The following F5 variants were observed in gnomAD, a reference collection of about 807,000 sequenced individuals.
F5 encodes coagulation factor V, also known as activated protein c cofactor.
In F5, 138 loss-of-function variants were observed where a neutral mutation model predicts 216.4. That is an observed-to-expected ratio of 0.64 (90% CI 0.56 to 0.73). The LOEUF (loss-of-function observed/expected upper bound fraction) is 0.73, where lower values mean the gene tolerates loss of function less well. Ranked by LOEUF, F5 falls within the 30% of genes least tolerant of loss-of-function variation. The pLI is 0.00. For synonymous variants in F5, 916 were observed against 930.7 expected, an observed-to-expected ratio of 0.98 and a Z score of 0.29; for missense variants, 2,403 against 2,674.0, an observed-to-expected ratio of 0.90 and a Z score of 2.24.
At chr1:169,548,829 A>G (rs1660079372) in intron 10 of F5, among the ~76,000 whole-genome samples, 1 of 151,336 alleles carries the variant, frequency 6.6e-6, no homozygotes, top group African/African-American at 2.4e-5. Flanking sequence ...AAATGGTGCC[A>G]CTGCTCTCCA....
chr1:169,582,773 C>T (rs1465443658), intron 1 of F5, among the ~76,000 whole-genome samples: 4 of 152,186 alleles, frequency 2.6e-5, no homozygotes, highest in African/African-American at 9.7e-5. Context: ...TATCATTCCT[C>T]AGAATCAATT....
rs541673477 is a variant in F5, at chr1:169,550,737, G to A, written c.1299C>T (p.Ile433=). The A allele has an allele frequency of 5.0e-6, 8 of 1,606,610 alleles. No individual in the cohort carries two copies. Among genetic ancestry groups the A allele is most frequent in the African/African-American group, 1.3e-5 (1 of 74,890 alleles). ...IRAQVRDTLK[I]VFKNMASRPY... ...GGCGGCTGGCCATATTTTTGAACAC[G>A]ATCTACAAAGTTAAATCAAATTTAT... Residue 433 remains isoleucine (I), a splice_region_variant and synonymous_variant, in exon 9 of 25, where the codon ATC becomes ATT. Coordinates refer to ENST00000367797, the MANE Select transcript of F5 (RefSeq NM_000130.5).
At chr1:169,574,875 C>A (rs753788941) in intron 2 of F5, among the ~76,000 whole-genome samples, 1 of 152,118 alleles carries the variant, frequency 6.6e-6, no homozygotes, top group African/African-American at 2.4e-5. Context: ...ATATCAAGTG[C>A]CTATATTATC....
chr1:169,514,256 T>C lies in F5; in HGVS notation c.*57A>G, dbSNP rs1197783082. 10 of 1,540,122 alleles carry C rather than the reference T, an allele frequency of 6.5e-6. No individual in the cohort carries two copies. Among genetic ancestry groups the C allele is most frequent in the Non-Finnish European group, 8.1e-6 (9 of 1,113,414 alleles). Reference sequence around the variant, plus strand: ...AACACAGCGTAAAATACATTGCCCATTCTAAATGGTTTGAGGTCTTAAAGA... The same window carrying C: ...AACACAGCGTAAAATACATTGCCCACTCTAAATGGTTTGAGGTCTTAAAGA... On this transcript the variant is annotated 3_prime_UTR_variant, in exon 25 of 25. Transcript: ENST00000367797.
At chr1:169,565,305 A>G (rs1273287714) in intron 3 of F5, among the ~76,000 whole-genome samples, 1 of 152,066 alleles carries the variant, frequency 6.6e-6, no homozygotes. Context: ...CTACTAGATC[A>G]TAAGTATTTG....
intron 2 of F5, among the ~76,000 whole-genome samples, chr1:169,573,192 C>T (rs1455097721): frequency 1.3e-5 from 2 of 152,164 alleles, no homozygotes; most frequent in Admixed American, 6.5e-5. Context: ...AGGTGATACA[C>T]CCGCCTCAGC....
intron 2 of F5, among the ~76,000 whole-genome samples, chr1:169,579,226 G>A (rs1487098077): frequency 6.6e-6 from 1 of 152,042 alleles, no homozygotes; most frequent in Non-Finnish European, 1.5e-5. Context: ...TATATTAATA[G>A]CATTTGACCC....
chr1:169,571,236 G>A (rs936187612), intron 3 of F5, among the ~76,000 whole-genome samples: 1 of 151,988 alleles, frequency 6.6e-6, no homozygotes, highest in Non-Finnish European at 1.5e-5. Context: ...ACTATTCAGC[G>A]GCTGATACAA....
intron 17 of F5, among the ~76,000 whole-genome samples, 171 bp from the exon 18 acceptor site, chr1:169,526,188 C>A (rs538743740): frequency 6.6e-6 from 1 of 152,168 alleles, no homozygotes; most frequent in South Asian, 2.1e-4. Flanking sequence ...AAAACAATAA[C>A]AACACATACA....
chr1:169,561,161 G>A (rs920453831), intron 3 of F5, among the ~76,000 whole-genome samples: 2 of 152,102 alleles, frequency 1.3e-5, no homozygotes, highest in Non-Finnish European at 2.9e-5. Context: ...CATGAGATGG[G>A]AGGATAGTCA....
chr1:169,579,390 T>C (rs943684800), intron 2 of F5, among the ~76,000 whole-genome samples: 1 of 152,142 alleles, frequency 6.6e-6, no homozygotes, highest in Non-Finnish European at 1.5e-5. Flanking sequence ...CATCACATCC[T>C]CCCTGGGTGA....
chr1:169,528,871 A>C (rs1235885273), intron 16 of F5, among the ~76,000 whole-genome samples: 1 of 152,210 alleles, frequency 6.6e-6, no homozygotes, highest in African/African-American at 2.4e-5. Flanking sequence ...GTGAAATTTC[A>C]GAAACCAGGC....
Position 169,529,795 on chromosome 1 carries a change from C to G in F5, c.5232G>C (p.Leu1744Phe). 1 of 1,613,502 alleles carries G rather than the reference C, an allele frequency of 6.2e-7. No homozygotes were observed. The highest frequency in any genetic ancestry group is 8.5e-7 in the Non-Finnish European group (1 of 1,179,640). Reference sequence around the variant, plus strand: ...TTTGGCAGATTAGGAGGGGACCTATCAAGCCTGAGTGAATATCTTTTTCCT... The same window carrying G: ...TTTGGCAGATTAGGAGGGGACCTATGAAGCCTGAGTGAATATCTTTTTCCT... ...VNPEKDIHSG[L>F]IGPLLICQKG... Residue 1744 changes from leucine to phenylalanine, a missense_variant, in exon 16 of 25, where the codon TTG (leucine) becomes TTC (phenylalanine). Coordinates refer to ENST00000367797, the MANE Select transcript of F5 (RefSeq NM_000130.5).
intron 3 of F5, among the ~76,000 whole-genome samples, chr1:169,564,759 G>A (rs146404119): frequency 3.9e-4 from 59 of 152,076 alleles, no homozygotes; most frequent in African/African-American, 1.1e-3. Flanking sequence ...CTTTGCATGA[G>A]TTTGCATGGC....
Position 169,520,583 on chromosome 1 carries a change from A to C in F5, c.6130T>G (p.Ser2044Ala). Reference sequence around the variant, plus strand: ...GGTCTGTTATAGGCTCGAGTTGGAGAGATCCTAATATATCTAGCCACAATA... The same window carrying C: ...GGTCTGTTATAGGCTCGAGTTGGAGCGATCCTAATATATCTAGCCACAATA... The part of the protein sequence containing the change: ...PPIVARYIRI[S>A]PTRAYNRPTL... Residue 2044 changes from serine (S) to alanine (A), a missense_variant, in exon 22 of 25, where the codon TCT becomes GCT. Coordinates refer to ENST00000367797, the MANE Select transcript of F5 (RefSeq NM_000130.5). The C allele has an allele frequency of 6.2e-7, 1 of 1,613,968 alleles. No individual in the cohort carries two copies. The highest frequency in any genetic ancestry group is 8.5e-7 in the Non-Finnish European group (1 of 1,179,914).
At chr1:169,574,590 A>C (rs1338054420) in intron 2 of F5, among the ~76,000 whole-genome samples, 1 of 152,246 alleles carries the variant, frequency 6.6e-6, no homozygotes, top group East Asian at 1.9e-4. Flanking sequence ...TGATAATCAT[A>C]ATAAGGCTTT....
At chr1:169,579,603 A>AT (rs1557934641) in intron 2 of F5, among the ~76,000 whole-genome samples, 2 of 151,926 alleles carry the variant, frequency 1.3e-5, no homozygotes, top group African/African-American at 4.8e-5. Flanking sequence ...CTTTTCTTAC[A>AT]TTTTCTTTCT....
Position 169,575,577 on chromosome 1 carries a change from A to G in F5, c.251-3234T>C, listed in dbSNP as rs2101842177. ...ACTCCAGGAGAGATGGTGGTGACTG[A>G]GATTATGATGAGATGATGAGGAGAG... On this transcript the variant is annotated intron_variant, in intron 2 of 24. Transcript: ENST00000367797. Among the ~76,000 whole-genome samples, 2 of 152,292 alleles carry G rather than the reference A, an allele frequency of 1.3e-5. 1 individual carries two copies. Among genetic ancestry groups the G allele is most frequent in the African/African-American group, 4.8e-5 (2 of 41,572 alleles).
rs375350725 is a variant in F5, at chr1:169,562,812, T to C, written c.374-2046A>G. On this transcript the variant is annotated intron_variant, in intron 3 of 24. Transcript: ENST00000367797. The stretch of plus-strand genomic sequence containing the variant: ...TATATATACATAATATACCCCACAA[T>C]AAATTGTTACTATTTTGCTTTAACA... 2.6e-5 allele frequency among the ~76,000 whole-genome samples: 4 copies of C among 152,190 alleles called. No homozygotes were observed. The East Asian group carries it at 7.7e-4, about 29-fold the overall frequency.
Sources: gnomAD v4.1 joint callset for allele counts (sites outside exome capture counted in the v4.1 genomes callset) on GRCh38, gnomAD v4.1.1 for gene constraint, MANE v1.5 for transcripts, NCBI Gene and HGNC (gene_info 2026-07-23, HGNC 2026-07-21) for gene names.